Variants in HEPH observed in about 807,000 individuals in gnomAD.
The protein encoded by HEPH is hephaestin.
HEPH carries 69 observed loss-of-function variants against 80.8 expected under a neutral mutation model. That is an observed-to-expected ratio of 0.85 (90% CI 0.70 to 1.04). The LOEUF (loss-of-function observed/expected upper bound fraction) is 1.04. Ranked by LOEUF, HEPH falls within the 50% of genes least tolerant of loss-of-function variation. The pLI is 0.00. For missense variants in HEPH, 1,115 were observed against 891.3 expected, an observed-to-expected ratio of 1.25 and a Z score of -3.20; for synonymous variants, 431 against 322.8, an observed-to-expected ratio of 1.34 and a Z score of -3.60.
intron 4 of HEPH, among the ~76,000 whole-genome samples, chrX:66,187,259 AT>A (rs201168371): frequency 2.8e-5 from 3 of 108,869 alleles, no homozygotes; most frequent in Admixed American, 9.8e-5. Flanking sequence ...TAAATCAGGG[AT>A]TTTTTTTTAT....
intron 15 of HEPH, among the ~76,000 whole-genome samples, chrX:66,209,566 G>T (rs2089000373): frequency 1.8e-5 from 2 of 112,456 alleles, no homozygotes; most frequent in Admixed American, 1.9e-4. Flanking sequence ...AGAATGCAGT[G>T]TGCAAAGGCA....
At chrX:66,218,616 G>C (rs1012701621) in intron 15 of HEPH, among the ~76,000 whole-genome samples, 12 of 111,593 alleles carry the variant, frequency 1.1e-4, no homozygotes, top group African/African-American at 3.9e-4. Flanking sequence ...GGCTTTATTC[G>C]ACTGAGAGCT....
chrX:66,214,523 T>A (rs2089297822), intron 15 of HEPH, among the ~76,000 whole-genome samples: 1 of 111,339 alleles, frequency 9.0e-6, no homozygotes, highest in Non-Finnish European at 1.9e-5. Flanking sequence ...TCAATGGAAT[T>A]TTGGCCTCAT....
At chrX:66,230,303 G>T (rs1346157465) in intron 15 of HEPH, among the ~76,000 whole-genome samples, 1 of 96,865 alleles carries the variant, frequency 1.0e-5, no homozygotes, top group Non-Finnish European at 2.0e-5. Flanking sequence ...TAATGGGATG[G>T]CTGGGTCAAA....
rs2091561067 is a variant in HEPH at position 66,267,070 on chromosome X, G to A, written c.*398G>A. On this transcript the variant is annotated 3_prime_UTR_variant, in exon 21 of 21. Transcript: ENST00000343002. ...TCAAGGACTCAGGAAATTTCACTTT[G>A]AACTGAGGCCAAGTGAGCTGTTAAG... The A allele has an allele frequency of 1.5e-5, 2 of 136,567 alleles. No homozygotes were observed. Among genetic ancestry groups the A allele is most frequent in the African/African-American group, 6.4e-5 (2 of 31,473 alleles). The allele number at this position is 136,567 out of a possible 1,213,427, so 11.3% of individuals were successfully genotyped here.
chrX:66,259,057 G>C (rs2091273176), intron 18 of HEPH, 78 bp downstream of exon 18: 1 of 991,033 alleles, frequency 1.0e-6, no homozygotes, highest in Admixed American at 3.8e-5. Context: ...AAAGGTAACA[G>C]TGTGGAACAG....
intron 4 of HEPH, among the ~76,000 whole-genome samples, chrX:66,184,590 G>A (rs1357827102): frequency 5.8e-5 from 2 of 34,768 alleles, no homozygotes; most frequent in East Asian, 6.3e-4. Context: ...TTGAGCCTAT[G>A]TGTGTCTCTG....
chrX:66,210,905 T>G (rs1047624654), intron 15 of HEPH, among the ~76,000 whole-genome samples: 36 of 111,147 alleles, frequency 3.2e-4, no homozygotes, highest in Middle Eastern at 4.6e-3. Context: ...TTTTGTTTGT[T>G]TGTTTGTTTA....
In HEPH at chrX:66,186,747, T is replaced by G. The variant is rs112059010; in HGVS notation, c.626-1612T>G. Among the ~76,000 whole-genome samples, 303 of 112,314 alleles carry G rather than the reference T, an allele frequency of 2.7e-3. 1 individual carries two copies. Among genetic ancestry groups the G allele is most frequent in the African/African-American group, 9.5e-3 (295 of 30,950 alleles). ...CTCCTCCCCCAGGTGTTCTTTGTGC[T>G]TCTTGTATTTGGATGTCTAGGCCTC... On this transcript the variant is annotated intron_variant, in intron 4 of 20. Transcript: ENST00000343002.
intron 15 of HEPH, among the ~76,000 whole-genome samples, chrX:66,236,112 C>T (rs1015729503): frequency 3.6e-5 from 4 of 111,266 alleles, no homozygotes; most frequent in Non-Finnish European, 5.7e-5. Flanking sequence ...TTTCTCTTAC[C>T]TGAATGCTCT....
At chrX:66,261,360 CTT>C (rs1220400158) in intron 19 of HEPH, among the ~76,000 whole-genome samples, 1 of 111,393 alleles carries the variant, frequency 9.0e-6, no homozygotes, top group Non-Finnish European at 1.9e-5. Context: ...ACCAGCCACT[CTT>C]TGTTCCTCAC....
chrX:66,265,928 C>A (rs1489460211), intron 20 of HEPH, among the ~76,000 whole-genome samples: 1 of 111,701 alleles, frequency 9.0e-6, no homozygotes, highest in Non-Finnish European at 1.9e-5. Flanking sequence ...AGATATTTCT[C>A]TTGGAAAGGT....
chrX:66,233,579 A>G (rs968277303), intron 15 of HEPH, among the ~76,000 whole-genome samples: 2 of 110,908 alleles, frequency 1.8e-5, no homozygotes, highest in Non-Finnish European at 3.8e-5. Flanking sequence ...TAACTACTTC[A>G]CTGCCAACAT....
chrX:66,245,645 A>G (rs1295500277), intron 15 of HEPH, among the ~76,000 whole-genome samples: 1 of 111,584 alleles, frequency 9.0e-6, no homozygotes, highest in Non-Finnish European at 1.9e-5. Context: ...AGACATCTAC[A>G]GAGCTCTCCA....
chrX:66,199,479 A>C (rs144135570), intron 11 of HEPH, among the ~76,000 whole-genome samples: 2,021 of 110,816 alleles, frequency 0.018, 29 homozygotes, highest in Middle Eastern at 0.033. Context: ...TCCCATTACT[A>C]GTTAGTTTCA....
rs1299803578 is a variant in HEPH at position 66,173,752 on chromosome X, A to G, written c.576A>G (p.Pro192=). The G allele has an allele frequency of 5.8e-6, 7 of 1,205,496 alleles. No individual in the cohort carries two copies. Among genetic ancestry groups the G allele is most frequent in the Non-Finnish European group, 7.8e-6 (7 of 892,334 alleles). Residue 192 remains proline, a synonymous_variant, in exon 4 of 21, where the codon CCA becomes CCG. Coordinates refer to ENST00000343002, the MANE Select transcript of HEPH (RefSeq NM_001367233.3). ...TWIYHSHVDA[P]RDIATGLIGP... ...TCTACCATTCTCATGTAGATGCTCC[A>G]CGAGACATTGCAACTGGCCTAATTG...
intron 15 of HEPH, among the ~76,000 whole-genome samples, chrX:66,224,542 G>A (rs1181664662): frequency 8.9e-6 from 1 of 112,243 alleles, no homozygotes; most frequent in Non-Finnish European, 1.9e-5. Flanking sequence ...TGCTCACAAT[G>A]AGGTTTCCTC....
Position 66,231,097 on chromosome X carries a change from C to T in HEPH, c.2563+22851C>T, listed in dbSNP as rs929330606. Among the ~76,000 whole-genome samples, 24 of 109,426 alleles carry T rather than the reference C, an allele frequency of 2.2e-4. 1 individual carries two copies. The highest frequency in any genetic ancestry group is 4.0e-4 in the Non-Finnish European group (21 of 52,534). On this transcript the variant is annotated intron_variant, in intron 15 of 20. Coordinates refer to ENST00000343002, the MANE Select transcript of HEPH (RefSeq NM_001367233.3). Reference sequence around the variant, plus strand: ...AGATCAGATAGTTGTAGGTATGCGGCGTCATTTCTGAGGGCTCTGTTCTGT... The same window carrying T: ...AGATCAGATAGTTGTAGGTATGCGGTGTCATTTCTGAGGGCTCTGTTCTGT...
chrX:66,216,520 G>A (rs1450993598), intron 15 of HEPH, among the ~76,000 whole-genome samples: 2 of 112,080 alleles, frequency 1.8e-5, no homozygotes, highest in Non-Finnish European at 3.8e-5. Flanking sequence ...AGGGAAAGGG[G>A]AGAGCACCAC....
Sources: gnomAD v4.1 joint callset for allele counts (sites outside exome capture counted in the v4.1 genomes callset) on GRCh38, gnomAD v4.1.1 for gene constraint, MANE v1.5 for transcripts, NCBI Gene and HGNC (gene_info 2026-07-23, HGNC 2026-07-21) for gene names.